OTOGL: variants seen among roughly 807,000 people sequenced by gnomAD.
The protein encoded by OTOGL is otogelin like.
In OTOGL, 285 loss-of-function variants were observed where a neutral mutation model predicts 318.5. That is an observed-to-expected ratio of 0.89 (90% CI 0.81 to 0.99). The LOEUF is 0.99. Among genes scored for constraint, OTOGL ranks in the 50% least tolerant of loss-of-function variants. The pLI, the probability that OTOGL is intolerant of heterozygous loss-of-function variation, is 0.00. For missense variants in OTOGL, 2,899 were observed against 2,845.6 expected (o/e 1.02, Z -0.43); for synonymous variants, 987 against 936.5 (o/e 1.05, Z -0.99).
At position 80,368,226 on chromosome 12, in the gene OTOGL, C is replaced by T; in HGVS notation, c.6532C>T (p.Pro2178Ser). 6.2e-7 allele frequency: 1 copy of T among 1,601,276 alleles called. No homozygotes were observed. The highest frequency in any genetic ancestry group is 8.5e-7 in the Non-Finnish European group (1 of 1,172,434). The change falls in exon 55 of 59, where the codon CCA becomes TCA. Residue 2178 changes from proline to serine, a missense_variant. By Grantham distance (74) the Pro-to-Ser change is moderately conservative (BLOSUM62 -1). Coordinates refer to ENST00000547103, the MANE Select transcript of OTOGL (RefSeq NM_001378609.3). ...CDVHQVYTPS[P>S]SDYGCCGTCK... The stretch of plus-strand genomic sequence containing the variant: ...GCAGCACCAGGTATATACTCCATCC[C>T]CAAGTGATTATGGTTGTTGTGGTAC...
At chr12:80,192,320 C>T (rs2137264396) in intron 1 of OTOGL, among the ~76,000 whole-genome samples, 2 of 152,318 alleles carry the variant, frequency 1.3e-5, no homozygotes, top group East Asian at 3.9e-4. Context: ...GCCTGCTGGT[C>T]CGGTCATGGT....
chr12:80,278,926 T>G, intron 25 of OTOGL, 102 bp from the exon 26 acceptor site: 2 of 1,329,816 alleles, frequency 1.5e-6, no homozygotes, highest in Non-Finnish European at 2.1e-6. Context: ...GGATATTGAC[T>G]CATGAATTCT....
intron 35 of OTOGL, among the ~76,000 whole-genome samples, chr12:80,324,763 C>G (rs1260383523): frequency 6.6e-6 from 1 of 152,120 alleles, no homozygotes; most frequent in Non-Finnish European, 1.5e-5. Context: ...GTTAAAGAAT[C>G]AAGTTTTGGC....
chr12:80,253,553 T>C lies in OTOGL; in HGVS notation c.1373T>C (p.Ile458Thr). The change falls in exon 14 of 59, where the codon ATT becomes ACT. Residue 458 changes from isoleucine to threonine, a missense_variant. Physicochemically the swap from Ile to Thr is moderately conservative, Grantham distance 89 (BLOSUM62 -1). Around this residue, in one of 3 missense-constraint regions of OTOGL, gnomAD observed 2,607 missense variants for 2,524.9 expected, o/e 1.03. Transcript: ENST00000547103. ...HGLAYSVGSK[I>T]EQECTECVCV... ...TTAGCTTATTCAGTTGGTTCAAAAA[T>C]TGAACAAGAATGTACTGAATGGTAT... is the stretch of plus-strand genomic sequence containing the variant. 1.2e-6 allele frequency: 2 copies of C among 1,610,992 alleles called. No individual in the cohort carries two copies. Among genetic ancestry groups the C allele is most frequent in the Non-Finnish European group, 1.7e-6 (2 of 1,177,380 alleles).
chr12:80,249,549 G>A (rs1881284761), intron 11 of OTOGL, among the ~76,000 whole-genome samples: 1 of 151,892 alleles, frequency 6.6e-6, no homozygotes, highest in South Asian at 2.1e-4. Flanking sequence ...CGTGCTGGGA[G>A]AACCACTGCT....
chr12:80,307,862 G>T (rs1223416566), intron 29 of OTOGL, among the ~76,000 whole-genome samples: 2 of 141,522 alleles, frequency 1.4e-5, no homozygotes, highest in Non-Finnish European at 3.0e-5. Flanking sequence ...CTGGCCGGGC[G>T]GGGGGCTGAC....
At chr12:80,128,428 T>C (rs937619617) in intron 1 of OTOGL, among the ~76,000 whole-genome samples, 2 of 152,216 alleles carry the variant, frequency 1.3e-5, no homozygotes, top group African/African-American at 2.4e-5. Context: ...TACCCGGCTA[T>C]GTGAGGTGTC....
intron 4 of OTOGL, among the ~76,000 whole-genome samples, chr12:80,216,887 T>G (rs1233117807): frequency 6.6e-6 from 1 of 152,144 alleles, no homozygotes; most frequent in African/African-American, 2.4e-5. Context: ...ACATGGCACA[T>G]GTATACATAT....
intron 1 of OTOGL, among the ~76,000 whole-genome samples, chr12:80,114,738 C>A (rs1242315666): frequency 6.6e-6 from 1 of 152,114 alleles, no homozygotes; most frequent in Non-Finnish European, 1.5e-5. Context: ...CTCCCCATCA[C>A]TTTCATGTAT....
intron 39 of OTOGL, 111 bp downstream of exon 39, chr12:80,336,251 T>G: frequency 7.4e-7 from 1 of 1,358,890 alleles, no homozygotes; most frequent in Non-Finnish European, 9.6e-7. Flanking sequence ...GTTTTTGAGT[T>G]TTCATGATTT....
chr12:80,210,641 T>A (rs1341778745), intron 2 of OTOGL, among the ~76,000 whole-genome samples: 1 of 152,180 alleles, frequency 6.6e-6, no homozygotes, highest in Non-Finnish European at 1.5e-5. Context: ...TAAATCCATG[T>A]ACACTGCCCT....
At chr12:80,201,300 G>A (rs1876436012) in intron 1 of OTOGL, among the ~76,000 whole-genome samples, 1 of 152,166 alleles carries the variant, frequency 6.6e-6, no homozygotes, top group African/African-American at 2.4e-5. Context: ...TTTTCAGGCT[G>A]TACAAGAAGT....
chr12:80,340,813 C>A (rs536339093), intron 43 of OTOGL, among the ~76,000 whole-genome samples: 3 of 152,088 alleles, frequency 2.0e-5, no homozygotes, highest in Non-Finnish European at 4.4e-5. Flanking sequence ...TTCTACACAG[C>A]ACTATGAAGT....
intron 1 of OTOGL, among the ~76,000 whole-genome samples, chr12:80,188,581 T>C (rs1875468694): frequency 6.7e-6 from 1 of 150,312 alleles, no homozygotes; most frequent in South Asian, 2.1e-4. Flanking sequence ...TATAAAAAGG[T>C]GAGCCTTCTC....
chr12:80,364,867 G>A (rs114441210), intron 52 of OTOGL, among the ~76,000 whole-genome samples: 1,790 of 152,172 alleles, frequency 0.012, 32 homozygotes, highest in African/African-American at 0.041. Flanking sequence ...CACATGAGAA[G>A]ATGCTTAACA....
Position 80,355,790 on chromosome 12 carries a change from G to A in OTOGL, c.5648G>A (p.Gly1883Asp), listed in dbSNP as rs377364362. Residue 1883 changes from glycine (G) to aspartate (D), a missense_variant, in exon 47 of 59, where the codon GGC becomes GAC. Gly to Asp is a moderately conservative substitution (Grantham distance 94). Coordinates refer to ENST00000547103, the MANE Select transcript of OTOGL (RefSeq NM_001378609.3). ...PRTAGEIWNG[G>D]IDECTLYKCL... ...ACTGCTGGGGAGATTTGGAATGGGG[G>A]CATTGATGAATGCACTCTATACAAA... The A allele has an allele frequency of 1.9e-4, 303 of 1,613,788 alleles. 1 individual carries two copies. The Middle Eastern group carries it at 2.8e-3, about 15-fold the overall frequency.
At chr12:80,294,030 T>G (rs1885220100) in intron 26 of OTOGL, among the ~76,000 whole-genome samples, 1 of 152,338 alleles carries the variant, frequency 6.6e-6, no homozygotes, top group Middle Eastern at 3.4e-3. Flanking sequence ...GGGCATATTC[T>G]GTATTAAAGC....
chr12:80,101,692 A>T (rs902401752), intron 1 of OTOGL, among the ~76,000 whole-genome samples: 1 of 152,170 alleles, frequency 6.6e-6, no homozygotes, highest in Non-Finnish European at 1.5e-5. Context: ...TTTTAAAAAA[A>T]TCCTCATTTA....
chr12:80,204,506 G>A (rs530347762), intron 1 of OTOGL, among the ~76,000 whole-genome samples: 1 of 152,240 alleles, frequency 6.6e-6, no homozygotes, highest in South Asian at 2.1e-4. Context: ...TTTGAAGAAC[G>A]TTTGTTTGTA....
Sources: allele counts gnomAD v4.1 joint callset (sites outside exome capture counted in the v4.1 genomes callset), GRCh38; gene constraint gnomAD v4.1.1; regional missense constraint gnomAD v4.1.1; transcripts MANE v1.5; gene names NCBI Gene and HGNC (gene_info 2026-07-23, HGNC 2026-07-21).